Variants in RB1CC1 observed in about 807,000 individuals in gnomAD.
RB1CC1 encodes RB1-inducible coiled-coil protein 1.
A neutral mutation model predicts 177.5 loss-of-function variants in RB1CC1; 46 were observed. The ratio of observed to expected loss-of-function variants is 0.26; its 90% confidence interval spans 0.20 to 0.33. The LOEUF (loss-of-function observed/expected upper bound fraction) is 0.33, where lower values mean the gene tolerates loss of function less well. Ranked by LOEUF, RB1CC1 falls within the 10% of genes least tolerant of loss-of-function variation. The pLI is 1.00. For synonymous variants in RB1CC1, 666 were observed against 613.6 expected, an observed-to-expected ratio of 1.09 and a Z score of -1.26; for missense variants, 1,703 against 1,816.3, an observed-to-expected ratio of 0.94 and a Z score of 1.13.
At chr8:52,702,641 G>A (rs746385972) in intron 1 of RB1CC1, among the ~76,000 whole-genome samples, 14 of 152,204 alleles carry the variant, frequency 9.2e-5, no homozygotes, top group East Asian at 1.9e-4. Flanking sequence ...ACTCGCACCC[G>A]GCAGGTGGAG....
chr8:52,689,279 C>T (rs942407638), intron 1 of RB1CC1, among the ~76,000 whole-genome samples: 3 of 152,170 alleles, frequency 2.0e-5, no homozygotes, highest in Non-Finnish European at 4.4e-5. Context: ...TGTCTTCCTC[C>T]TAAAAGACAT....
intron 20 of RB1CC1, among the ~76,000 whole-genome samples, chr8:52,631,770 C>T (rs1388849828): frequency 1.3e-5 from 2 of 152,198 alleles, no homozygotes; most frequent in African/African-American, 4.8e-5. Context: ...CACCCCGCTA[C>T]ACTCTTCAGC....
intron 1 of RB1CC1, among the ~76,000 whole-genome samples, chr8:52,698,494 T>C (rs940691379): frequency 1.3e-5 from 2 of 151,744 alleles, no homozygotes; most frequent in African/African-American, 4.8e-5. Context: ...TTGTATGTTT[T>C]AGTAGAGACG....
chr8:52,680,998 T>G (rs201235981), intron 5 of RB1CC1, among the ~76,000 whole-genome samples: 2,769 of 120,886 alleles, frequency 0.023, 37 homozygotes, highest in Admixed American at 0.039. Context: ...GTGTGTGTTT[T>G]TTTTTTTTTT....
chr8:52,636,004 A>T lies in RB1CC1; in HGVS notation c.4392+11T>A. On this transcript the variant is annotated intron_variant, in intron 19 of 23. Transcript: ENST00000025008. Reference sequence around the variant, plus strand: ...ATTAAACATGGTACTTCAAGAAGATAATTTACTTACTCGTTCTAACAGCAT... The same window carrying T: ...ATTAAACATGGTACTTCAAGAAGATTATTTACTTACTCGTTCTAACAGCAT... 6.2e-7 allele frequency: 1 copy of T among 1,606,468 alleles called. No homozygotes were observed. Among genetic ancestry groups the T allele is most frequent in the Non-Finnish European group, 8.5e-7 (1 of 1,177,628 alleles).
chr8:52,683,308 AAAG>A (rs1330016465), intron 5 of RB1CC1, among the ~76,000 whole-genome samples: 1 of 152,218 alleles, frequency 6.6e-6, no homozygotes, highest in African/African-American at 2.4e-5. Context: ...ATTATCTAGG[AAAG>A]AAGGTGACCA....
In RB1CC1 at chr8:52,676,396, A is replaced by G. The variant is rs372437444; in HGVS notation, c.545T>C (p.Ile182Thr). Residue 182 changes from isoleucine (I) to threonine (T), a missense_variant, in exon 6 of 24, where the codon ATA becomes ACA. Physicochemically the swap from Ile to Thr is moderately conservative, Grantham distance 89 (BLOSUM62 -1). This residue lies in a region of RB1CC1 where 315 missense variants were observed against 304.9 expected (regional missense o/e 1.03). Coordinates refer to ENST00000025008, the MANE Select transcript of RB1CC1 (RefSeq NM_014781.5). Reference protein sequence around the residue: ...ESIYSNYLQSIEDIKLKLTHL... With the variant: ...ESIYSNYLQSTEDIKLKLTHL... ...AGTAAGTTTTAACTTGATGTCTTCT[A>G]TGGACTGCAGATAATTTGAATAAAT... The G allele has an allele frequency of 1.2e-5, 20 of 1,610,244 alleles. No homozygotes were observed. The African/African-American group carries it at 1.6e-4, about 13-fold the overall frequency.
chr8:52,666,423 C>CA (rs2150523135), intron 8 of RB1CC1, among the ~76,000 whole-genome samples: 1 of 151,482 alleles, frequency 6.6e-6, no homozygotes, highest in African/African-American at 2.4e-5. Flanking sequence ...GAGACTGAGG[C>CA]AAAAGAATCG....
chr8:52,641,067 C>T (rs1849528691), intron 18 of RB1CC1, among the ~76,000 whole-genome samples: 1 of 152,076 alleles, frequency 6.6e-6, no homozygotes, highest in South Asian at 2.1e-4. Flanking sequence ...CTGTGTACCA[C>T]ACCTTCTCAC....
At chr8:52,639,247 C>T (rs1293233404) in intron 18 of RB1CC1, among the ~76,000 whole-genome samples, 3 of 152,208 alleles carry the variant, frequency 2.0e-5, no homozygotes, top group East Asian at 1.9e-4. Flanking sequence ...GTTTTCTTCA[C>T]GAAGTCTTGC....
At chr8:52,688,127 T>C (rs1341497565) in intron 1 of RB1CC1, among the ~76,000 whole-genome samples, 3 of 152,220 alleles carry the variant, frequency 2.0e-5, no homozygotes, top group Admixed American at 1.3e-4. Flanking sequence ...ACTGTACAAA[T>C]TGATTGTAAA....
At chr8:52,655,611 G>T (rs1413593767) in intron 15 of RB1CC1, among the ~76,000 whole-genome samples, 1 of 151,632 alleles carries the variant, frequency 6.6e-6, no homozygotes, top group African/African-American at 2.4e-5. Context: ...ACAATATACA[G>T]AACAAAATTT....
intron 18 of RB1CC1, among the ~76,000 whole-genome samples, chr8:52,641,966 T>TAAC (rs201769778): frequency 1.3e-5 from 2 of 152,052 alleles, no homozygotes; most frequent in African/African-American, 4.8e-5. Context: ...AAACAAATAA[T>TAAC]AATAATAATA....
chr8:52,630,147 C>T (rs1848656355), intron 21 of RB1CC1, among the ~76,000 whole-genome samples: 1 of 152,130 alleles, frequency 6.6e-6, no homozygotes, highest in South Asian at 2.1e-4. Flanking sequence ...AATCAAAACT[C>T]TCCAATATAG....
Position 52,656,753 on chromosome 8 carries a change from T to G in RB1CC1, c.3076A>C (p.Asn1026His). The G allele has an allele frequency of 3.1e-6, 5 of 1,613,822 alleles. No homozygotes were observed. The highest frequency in any genetic ancestry group is 4.2e-6 in the Non-Finnish European group (5 of 1,179,910). ...TCAGCATGAGATTCTTGTATTTGATTAATTATTTGTTGGTTTTCCTTTTTT... is the reference window on the plus strand; with the variant it reads ...TCAGCATGAGATTCTTGTATTTGATGAATTATTTGTTGGTTTTCCTTTTTT... ...ELKKENQQII[N>H]QIQESHAEII... is the part of the protein sequence containing the mutation. The change falls in exon 15 of 24, where the codon AAT becomes CAT. Residue 1026 changes from asparagine (N) to histidine (H), a missense_variant. Around this residue, in one of 6 missense-constraint regions of RB1CC1, gnomAD observed 1,169 missense variants for 1,184.7 expected, o/e 0.99. Transcript: ENST00000025008.
chr8:52,704,694 G>A (rs1361317004), intron 1 of RB1CC1, among the ~76,000 whole-genome samples: 1 of 152,090 alleles, frequency 6.6e-6, no homozygotes, highest in Non-Finnish European at 1.5e-5. Context: ...AATCCTGTAA[G>A]TGGGTTGACT....
Position 52,661,218 on chromosome 8 carries a change from G to A in RB1CC1, c.1422C>T (p.Arg474=). The A allele has an allele frequency of 6.2e-7, 1 of 1,613,806 alleles. No homozygotes were observed. Among genetic ancestry groups the A allele is most frequent in the Non-Finnish European group, 8.5e-7 (1 of 1,179,854 alleles). ...QDGEKLQALL[R]LVIELLERVK... ...CTCTTTCTAACAGCTCTATTACGAG[G>A]CGGAGCAAAGCTTGTAACTTCTCTC... Residue 474 remains arginine, a synonymous_variant, in exon 10 of 24, where the codon CGC becomes CGT. Transcript: ENST00000025008.
intron 1 of RB1CC1, among the ~76,000 whole-genome samples, chr8:52,687,439 A>C (rs1182518957): frequency 6.6e-6 from 1 of 152,190 alleles, no homozygotes; most frequent in Non-Finnish European, 1.5e-5. Context: ...CCTCAAGTGT[A>C]GGCAGGGCCT....
chr8:52,668,016 G>C lies in RB1CC1; in HGVS notation c.1173+5C>G, dbSNP rs1476719016. 1 of 1,605,316 alleles carries C rather than the reference G, an allele frequency of 6.2e-7. No individual in the cohort carries two copies. Among genetic ancestry groups the C allele is most frequent in the Admixed American group, 1.7e-5 (1 of 57,838 alleles). ...CTTTTCCTGAGAAAAGTCTAAAATAGGTACCTGAGCAAGCTCTTTCTGTTC... is the reference window on the plus strand; with the variant it reads ...CTTTTCCTGAGAAAAGTCTAAAATACGTACCTGAGCAAGCTCTTTCTGTTC... On this transcript the variant is annotated splice_donor_5th_base_variant and intron_variant, in intron 8 of 23. Coordinates refer to ENST00000025008, the MANE Select transcript of RB1CC1 (RefSeq NM_014781.5).
Sources: allele counts gnomAD v4.1 joint callset (sites outside exome capture counted in the v4.1 genomes callset), GRCh38; gene constraint gnomAD v4.1.1; regional missense constraint gnomAD v4.1.1; transcripts MANE v1.5; gene names NCBI Gene and HGNC (gene_info 2026-07-23, HGNC 2026-07-21).